ELMOD2: variants seen among roughly 807,000 people sequenced by gnomAD.
ELMOD2 encodes the protein ELMO domain containing 2, also known as ELMO domain-containing protein 2.
A neutral mutation model predicts 41.0 loss-of-function variants in ELMOD2; 28 were observed. The ratio of observed to expected loss-of-function variants is 0.68; its 90% CI spans 0.51 to 0.94. The LOEUF is 0.94. Ranked by LOEUF, ELMOD2 falls within the 40% of genes least tolerant of loss-of-function variation. The pLI, the probability that ELMOD2 is intolerant of heterozygous loss-of-function variation, is 0.00. For synonymous variants in ELMOD2, 106 were observed against 107.2 expected (o/e 0.99, Z 0.07); for missense variants, 333 against 343.1 (o/e 0.97, Z 0.23).
chr4:140,532,292 G>A (rs3113191), intron 3 of ELMOD2, among the ~76,000 whole-genome samples: 1 of 151,208 alleles, frequency 6.6e-6, no homozygotes, highest in Non-Finnish European at 1.5e-5. Flanking sequence ...AGTCTTTCTC[G>A]AGTAGCTGGG....
intron 3 of ELMOD2, among the ~76,000 whole-genome samples, chr4:140,535,033 A>C (rs1374654781): frequency 6.6e-6 from 1 of 152,168 alleles, no homozygotes; most frequent in African/African-American, 2.4e-5. Context: ...GGATTGGACA[A>C]GCTAGACTTT....
intron 8 of ELMOD2, among the ~76,000 whole-genome samples, chr4:140,547,478 A>C (rs559797820): frequency 3.3e-5 from 5 of 152,166 alleles, no homozygotes; most frequent in African/African-American, 1.2e-4. Context: ...GGATGTCTCC[A>C]TTCTAGTTTT....
intron 8 of ELMOD2, among the ~76,000 whole-genome samples, chr4:140,547,362 C>T (rs1209914648): frequency 6.6e-6 from 1 of 152,054 alleles, no homozygotes; most frequent in African/African-American, 2.4e-5. Flanking sequence ...TCATCTTGTA[C>T]GTCCAAACTG....
At chr4:140,525,392 GCTTGT>G (rs1239010463) in intron 1 of ELMOD2, 23 bp from the exon 2 acceptor site, 1 of 1,602,938 alleles carries the variant, frequency 6.2e-7, no homozygotes, top group Non-Finnish European at 8.5e-7. Flanking sequence ...AGGTCATTAA[GCTTGT>G]CTTGTATGTT....
At chr4:140,528,329 T>C (rs968747832) in intron 3 of ELMOD2, among the ~76,000 whole-genome samples, 1 of 152,176 alleles carries the variant, frequency 6.6e-6, no homozygotes, top group Non-Finnish European at 1.5e-5. Flanking sequence ...CCTATTGTAG[T>C]TCACAATTTT....
At chr4:140,527,524 A>G in intron 3 of ELMOD2, 30 bp downstream of exon 3, 1 of 1,553,168 alleles carries the variant, frequency 6.4e-7, no homozygotes. Context: ...GTAACTCTAG[A>G]AAACTTAACG....
At chr4:140,534,012 A>G (rs1249991433) in intron 3 of ELMOD2, among the ~76,000 whole-genome samples, 2 of 152,270 alleles carry the variant, frequency 1.3e-5, no homozygotes, top group Middle Eastern at 3.4e-3. Flanking sequence ...ATCACTTTGG[A>G]AGTGGTTTTG....
chr4:140,550,019 T>A (rs756519890), intron 8 of ELMOD2, among the ~76,000 whole-genome samples: 3 of 152,066 alleles, frequency 2.0e-5, no homozygotes, highest in Non-Finnish European at 4.4e-5. Context: ...TTGAGGGACG[T>A]TGTTGATTTT....
At chr4:140,525,080 C>T in intron 1 of ELMOD2, 1 of 185,340 alleles carries the variant, frequency 5.4e-6, no homozygotes, top group Non-Finnish European at 1.1e-5. Context: ...CTGTTGAGCC[C>T]CAGTTCTCAA....
chr4:140,531,433 T>G (rs1734743796), intron 3 of ELMOD2, among the ~76,000 whole-genome samples: 1 of 152,252 alleles, frequency 6.6e-6, no homozygotes, highest in Non-Finnish European at 1.5e-5. Flanking sequence ...GAAGTCTGGC[T>G]TCCATGCAAT....
At chr4:140,527,431 G>A in intron 2 of ELMOD2, 35 bp from the exon 3 acceptor site, 9 of 1,490,906 alleles carry the variant, frequency 6.0e-6, no homozygotes, top group Non-Finnish European at 8.2e-6. Context: ...CAGCATTTAA[G>A]TGATAACATC....
At chr4:140,525,383 G>A in intron 1 of ELMOD2, 37 bp from the exon 2 acceptor site, 5 of 1,587,160 alleles carry the variant, frequency 3.2e-6, no homozygotes, top group Non-Finnish European at 4.3e-6. Flanking sequence ...TTCAGTTTAA[G>A]GTCATTAAGC....
At chr4:140,532,997 C>T (rs570370879) in intron 3 of ELMOD2, among the ~76,000 whole-genome samples, 6 of 152,136 alleles carry the variant, frequency 3.9e-5, no homozygotes, top group Admixed American at 3.3e-4. Context: ...CAAAAGCATC[C>T]AGAAAACATA....
In ELMOD2 at chr4:140,535,724, C is replaced by T. The variant is rs369725780; in HGVS notation, c.172-9C>T. On this transcript the variant is annotated splice_polypyrimidine_tract_variant and intron_variant, in intron 3 of 8. Transcript: ENST00000323570. ...ATTTTTCTCATTTGGCTTTCTTTTA[C>T]ATAAATAGGTTTTACAGAAGGCGAC... 5.6e-6 allele frequency: 9 copies of T among 1,602,960 alleles called. No individual in the cohort carries two copies. The highest frequency in any genetic ancestry group is 2.5e-6 in the Non-Finnish European group (3 of 1,176,614).
intron 8 of ELMOD2, among the ~76,000 whole-genome samples, chr4:140,546,730 C>T (rs1453068255): frequency 6.6e-6 from 1 of 151,954 alleles, no homozygotes; most frequent in Admixed American, 6.6e-5. Flanking sequence ...CAGTATTTTT[C>T]CCCTAAAGAC....
intron 1 of ELMOD2, chr4:140,524,608 T>C (rs919557980): frequency 2.0e-6 from 2 of 985,356 alleles, no homozygotes; most frequent in African/African-American, 3.5e-5. Context: ...CTTTCTGCAC[T>C]GACCTGCGGG....
At position 140,527,357 on chromosome 4, in the gene ELMOD2, G is replaced by A. The variant is rs190948642; in HGVS notation, c.143-109G>A. On this transcript the variant is annotated intron_variant, in intron 2 of 8. Transcript: ENST00000323570. ...TGTTATATAGAAATTATATCTCCTG[G>A]AACTATTAGTTTGTTACTGGTTTGA... 1.2e-4 allele frequency: 103 copies of A among 835,144 alleles called. No homozygotes were observed. In the African/African-American group the frequency reaches 1.6e-3, roughly 13 times the overall value. The allele number at this position is 835,144 out of a possible 1,614,324, so 51.7% of individuals were successfully genotyped here.
chr4:140,533,148 C>T (rs1245684221), intron 3 of ELMOD2, among the ~76,000 whole-genome samples: 2 of 152,108 alleles, frequency 1.3e-5, no homozygotes, highest in Non-Finnish European at 2.9e-5. Flanking sequence ...TGTTATTTCC[C>T]AAATCGATCT....
chr4:140,543,695 T>G (rs545044901), intron 8 of ELMOD2, 109 bp downstream of exon 8: 1 of 900,810 alleles, frequency 1.1e-6, no homozygotes, highest in African/African-American at 1.8e-5. Flanking sequence ...ATATAACTTA[T>G]GTTTATCATT....
Sources: gnomAD v4.1 joint callset for allele counts (sites outside exome capture counted in the v4.1 genomes callset) on GRCh38, gnomAD v4.1.1 for gene constraint, MANE v1.5 for transcripts, NCBI Gene and HGNC (gene_info 2026-07-23, HGNC 2026-07-21) for gene names.